Variants in ADAM10 observed in about 807,000 individuals in gnomAD.
The protein encoded by ADAM10 is disintegrin and metalloproteinase domain-containing protein 10.
Under a neutral mutation model 90.1 loss-of-function variants are expected in ADAM10, and 17 were observed. The observed-to-expected ratio is 0.19, with a 90% CI of 0.13 to 0.28. The LOEUF (loss-of-function observed/expected upper bound fraction) is 0.28, where lower values mean the gene tolerates loss of function less well. Ranked by LOEUF, ADAM10 falls within the 10% of genes least tolerant of loss-of-function variation. The pLI, the probability that ADAM10 is intolerant of heterozygous loss-of-function variation, is 1.00. For synonymous variants in ADAM10, 310 were observed against 298.6 expected, an observed-to-expected ratio of 1.04 and a Z score of -0.40; for missense variants, 610 against 914.3, an observed-to-expected ratio of 0.67 and a Z score of 4.29.
chr15:58,711,185 T>C (rs1308249806), intron 2 of ADAM10, among the ~76,000 whole-genome samples: 1 of 152,206 alleles, frequency 6.6e-6, no homozygotes, highest in Non-Finnish European at 1.5e-5. Context: ...TCCAAACAAT[T>C]ATATTGCACT....
intron 5 of ADAM10, among the ~76,000 whole-genome samples, chr15:58,662,974 G>C (rs762366748): frequency 1.3e-5 from 2 of 152,150 alleles, no homozygotes; most frequent in Non-Finnish European, 2.9e-5. Flanking sequence ...AGCCAAGAAG[G>C]CAGGGAAATC....
chr15:58,676,970 G>C, intron 4 of ADAM10, among the ~76,000 whole-genome samples: 1 of 152,136 alleles, frequency 6.6e-6, no homozygotes, highest in East Asian at 1.9e-4. Flanking sequence ...TTTACTCTCT[G>C]TCCCTCTGCA....
intron 2 of ADAM10, among the ~76,000 whole-genome samples, chr15:58,696,244 G>A (rs188871332): frequency 1.0e-3 from 159 of 151,702 alleles, no homozygotes; most frequent in African/African-American, 3.0e-3. Context: ...CCAAGATCAC[G>A]CCACTGCACT....
chr15:58,636,677 A>G (rs1896263714), intron 8 of ADAM10, among the ~76,000 whole-genome samples: 1 of 152,308 alleles, frequency 6.6e-6, no homozygotes, highest in South Asian at 2.1e-4. Flanking sequence ...TTTGAGAGCT[A>G]AAGTTAGAGT....
intron 5 of ADAM10, among the ~76,000 whole-genome samples, chr15:58,663,510 T>G (rs898686157): frequency 6.6e-6 from 1 of 152,174 alleles, no homozygotes; most frequent in Non-Finnish European, 1.5e-5. Context: ...CTCTTTCCTG[T>G]TCATCGTCTT....
intron 4 of ADAM10, among the ~76,000 whole-genome samples, chr15:58,666,877 A>G (rs1202531420): frequency 6.6e-6 from 1 of 152,168 alleles, no homozygotes; most frequent in Non-Finnish European, 1.5e-5. Context: ...AAATTCTGTC[A>G]GCACAAAACT....
rs970597015 is a variant in ADAM10 at position 58,619,710 on chromosome 15, T to C, written c.1511+1761A>G. ...AGGAGGTCAGGAGATCGAGACCACC[T>C]TGGCTAACAAGGTGAAAGCCCATCT... On this transcript the variant is annotated intron_variant, in intron 11 of 15. Coordinates refer to ENST00000260408, the MANE Select transcript of ADAM10 (RefSeq NM_001110.4). Among the ~76,000 whole-genome samples the C allele has an allele frequency of 7.9e-5, 12 of 152,072 alleles. No homozygotes were observed. In the South Asian group the frequency reaches 1.0e-3, roughly 13 times the overall value.
chr15:58,597,789 G>T, intron 15 of ADAM10, 148 bp from the exon 16 acceptor site: 1 of 680,610 alleles, frequency 1.5e-6, no homozygotes, highest in Non-Finnish European at 2.2e-6. Context: ...TCTTCTGATA[G>T]CCACAATAAA....
chr15:58,662,387 C>T (rs993858234), intron 5 of ADAM10, among the ~76,000 whole-genome samples: 2 of 152,116 alleles, frequency 1.3e-5, no homozygotes, highest in Non-Finnish European at 2.9e-5. Flanking sequence ...GGCTGGGGTG[C>T]CATGGCACAA....
chr15:58,742,013 A>C (rs1353760878), intron 1 of ADAM10, among the ~76,000 whole-genome samples: 1 of 152,146 alleles, frequency 6.6e-6, no homozygotes, highest in East Asian at 1.9e-4. Flanking sequence ...ATGTCCCTCA[A>C]GCTTAACAAA....
chr15:58,724,360 T>C lies in ADAM10; in HGVS notation c.56-6633A>G, dbSNP rs558632025. ...AGGCAGGGTAAAAAAGAAAAAAATA[T>C]GCAAATTATTAAATCACTAGCTACT... On this transcript the variant is annotated intron_variant, in intron 1 of 15. Transcript: ENST00000260408. Among the ~76,000 whole-genome samples the C allele has an allele frequency of 2.6e-5, 4 of 152,138 alleles. No homozygotes were observed. The South Asian group carries it at 6.2e-4, about 24-fold the overall frequency.
chr15:58,723,781 C>T (rs571785324), intron 1 of ADAM10, among the ~76,000 whole-genome samples: 3 of 152,006 alleles, frequency 2.0e-5, no homozygotes, highest in Non-Finnish European at 4.4e-5. Context: ...AGAAGAGACA[C>T]ACAACCATGA....
intron 8 of ADAM10, among the ~76,000 whole-genome samples, chr15:58,637,767 G>C (rs1162738527): frequency 6.6e-6 from 1 of 151,918 alleles, no homozygotes; most frequent in African/African-American, 2.4e-5. Flanking sequence ...ACTGAATCTG[G>C]AGTCAAAAGG....
At chr15:58,639,503 G>A (rs181330785) in intron 8 of ADAM10, among the ~76,000 whole-genome samples, 5 of 152,342 alleles carry the variant, frequency 3.3e-5, no homozygotes, top group Admixed American at 3.3e-4. Flanking sequence ...AGAGGTTTCA[G>A]AGTATGAAAG....
intron 5 of ADAM10, among the ~76,000 whole-genome samples, chr15:58,664,110 A>G (rs981012796): frequency 2.6e-5 from 4 of 152,014 alleles, no homozygotes; most frequent in African/African-American, 9.7e-5. Context: ...CTTTGTATGT[A>G]CTGTTCCTCC....
At chr15:58,642,571 C>A (rs896218736) in intron 7 of ADAM10, among the ~76,000 whole-genome samples, 25 of 152,096 alleles carry the variant, frequency 1.6e-4, no homozygotes, top group Admixed American at 1.3e-4. Flanking sequence ...CAATCTTCAA[C>A]AGATAAAACT....
intron 14 of ADAM10, among the ~76,000 whole-genome samples, chr15:58,607,210 A>C (rs1341763067): frequency 1.3e-5 from 2 of 152,262 alleles, no homozygotes; most frequent in Admixed American, 6.5e-5. Context: ...ATCAGAATTA[A>C]CTGGAGAGTT....
intron 9 of ADAM10, among the ~76,000 whole-genome samples, chr15:58,632,150 C>CAGA (rs1275796043): frequency 6.6e-6 from 1 of 152,110 alleles, no homozygotes; most frequent in Admixed American, 6.5e-5. Flanking sequence ...ATCACAAAGA[C>CAGA]AGAGTATCAT....
chr15:58,739,721 A>G (rs1257149946), intron 1 of ADAM10, among the ~76,000 whole-genome samples: 1 of 152,226 alleles, frequency 6.6e-6, no homozygotes, highest in Non-Finnish European at 1.5e-5. Context: ...GAGGGTTCTG[A>G]TAATATGCTG....
Sources: gnomAD v4.1 joint callset for allele counts (sites outside exome capture counted in the v4.1 genomes callset) on GRCh38, gnomAD v4.1.1 for gene constraint, MANE v1.5 for transcripts, NCBI Gene and HGNC (gene_info 2026-07-23, HGNC 2026-07-21) for gene names.